Variants in UBE3C observed in about 807,000 individuals in gnomAD.
UBE3C encodes ubiquitin protein ligase E3C, also known as ubiquitin-protein ligase E3C.
A neutral mutation model predicts 129.4 loss-of-function variants in UBE3C; 42 were observed. The ratio of observed to expected loss-of-function variants is 0.32; its 90% CI spans 0.25 to 0.42. The LOEUF is 0.42. UBE3C is among the 10% of genes least tolerant of loss of function. UBE3C has a pLI of 1.00. For synonymous variants in UBE3C, 510 were observed against 492.4 expected, an observed-to-expected ratio of 1.04 and a Z score of -0.47; for missense variants, 1,049 against 1,319.1, an observed-to-expected ratio of 0.80 and a Z score of 3.17.
At chr7:157,220,210 CAAAAAAT>C (rs1479006715) in intron 14 of UBE3C, among the ~76,000 whole-genome samples, 1 of 150,902 alleles carries the variant, frequency 6.6e-6, no homozygotes, top group Non-Finnish European at 1.5e-5. Flanking sequence ...GACCGTGTAT[CAAAAAAT>C]AAAAAATTGT....
At chr7:157,171,718 TTTTTTTG>T in intron 4 of UBE3C, among the ~76,000 whole-genome samples, 1 of 88,492 alleles carries the variant, frequency 1.1e-5, no homozygotes, top group Non-Finnish European at 2.2e-5. Flanking sequence ...TTTTTTTTTT[TTTTTTTG>T]AGACAGAGTC....
At chr7:157,144,962 A>C (rs1037365893) in intron 1 of UBE3C, among the ~76,000 whole-genome samples, 1 of 152,162 alleles carries the variant, frequency 6.6e-6, no homozygotes, top group African/African-American at 2.4e-5. Flanking sequence ...ACAGCGTTAT[A>C]CAGAAGAGTG....
chr7:157,178,462 C>T (rs1286225548), intron 5 of UBE3C, among the ~76,000 whole-genome samples: 1 of 152,180 alleles, frequency 6.6e-6, no homozygotes, highest in Non-Finnish European at 1.5e-5. Context: ...TGTCTGTGAA[C>T]TTAGTGCCAG....
chr7:157,219,957 C>T (rs575691523), intron 14 of UBE3C, among the ~76,000 whole-genome samples: 2 of 151,672 alleles, frequency 1.3e-5, no homozygotes, highest in South Asian at 2.1e-4. Context: ...ACGCCTGTGA[C>T]CCGGGCACTT....
chr7:157,154,003 GA>G (rs374420490), intron 1 of UBE3C, among the ~76,000 whole-genome samples: 20 of 150,974 alleles, frequency 1.3e-4, no homozygotes, highest in South Asian at 2.1e-4. Context: ...TCTGGGGGGG[GA>G]AAAGTTAACT....
At chr7:157,152,833 A>G (rs1807795207) in intron 1 of UBE3C, among the ~76,000 whole-genome samples, 1 of 152,164 alleles carries the variant, frequency 6.6e-6, no homozygotes, top group African/African-American at 2.4e-5. Flanking sequence ...TCCTGCAGGC[A>G]CTGAGAAGGT....
chr7:157,220,594 A>C, intron 14 of UBE3C, 95 bp from the exon 15 acceptor site: 4 of 1,434,358 alleles, frequency 2.8e-6, no homozygotes, highest in Non-Finnish European at 3.8e-6. Context: ...AGCCCACGGT[A>C]GAGAAATGTC....
chr7:157,241,966 A>T (rs1399880177), intron 18 of UBE3C, among the ~76,000 whole-genome samples: 23 of 152,168 alleles, frequency 1.5e-4, no homozygotes, highest in Non-Finnish European at 1.5e-5. Context: ...AAATCTAGAG[A>T]CAGAAGGTGG....
At chr7:157,214,625 A>G (rs1809685220) in intron 13 of UBE3C, among the ~76,000 whole-genome samples, 1 of 152,226 alleles carries the variant, frequency 6.6e-6, no homozygotes. Flanking sequence ...ATTGGTCACA[A>G]AAATGGAAAG....
chr7:157,238,944 T>G (rs1453819565), intron 18 of UBE3C, among the ~76,000 whole-genome samples: 2 of 152,210 alleles, frequency 1.3e-5, no homozygotes. Context: ...GTGATGGTAC[T>G]GTTAGACCAA....
intron 1 of UBE3C, among the ~76,000 whole-genome samples, chr7:157,145,828 ACCT>A (rs1807589590): frequency 1.3e-5 from 2 of 151,602 alleles, no homozygotes; most frequent in South Asian, 2.1e-4. Context: ...AGTCCTCAAA[ACCT>A]CCTCTCCGCT....
In UBE3C at chr7:157,182,286, TG is replaced by T; in HGVS notation, c.951del (p.Trp317CysfsTer7). ...TTCAAGAAAGAGTGGTGGAGCACCC[TG>T]GCTTTTCTATTTCGTTTTAACTGTT... Reference protein sequence around the residue: ...RCSRKSGGAPWLFYFVLTVGE... With the variant: ...RCSRKSGGAPXLFYFVLTVGE... On this transcript the variant is annotated frameshift_variant, in exon 8 of 23. Transcript: ENST00000348165. LOFTEE classifies it high-confidence loss of function. 6.2e-7 allele frequency: 1 copy of T among 1,613,914 alleles called. No individual in the cohort carries two copies. The highest frequency in any genetic ancestry group is 2.2e-5 in the East Asian group (1 of 44,904).
At chr7:157,251,915 A>G (rs1796629113) in intron 19 of UBE3C, among the ~76,000 whole-genome samples, 1 of 152,126 alleles carries the variant, frequency 6.6e-6, no homozygotes, top group African/African-American at 2.4e-5. Flanking sequence ...CAGGCAGATC[A>G]TTTGAGGTCA....
intron 14 of UBE3C, among the ~76,000 whole-genome samples, chr7:157,218,135 G>A (rs950419619): frequency 6.6e-6 from 1 of 152,128 alleles, no homozygotes; most frequent in African/African-American, 2.4e-5. Flanking sequence ...AGGAGATGGA[G>A]TGGTGGAGGG....
At chr7:157,178,281 C>T (rs1444878864) in intron 5 of UBE3C, among the ~76,000 whole-genome samples, 1 of 152,096 alleles carries the variant, frequency 6.6e-6, no homozygotes, top group Non-Finnish European at 1.5e-5. Context: ...ATATTGCAGG[C>T]GTGGAAAGTC....
At chr7:157,206,955 C>CA (rs1282291695) in intron 11 of UBE3C, among the ~76,000 whole-genome samples, 3 of 152,130 alleles carry the variant, frequency 2.0e-5, no homozygotes, top group Non-Finnish European at 4.4e-5. Context: ...TCAACGTTAC[C>CA]AAAAGTTAAG....
At chr7:157,220,907 A>G (rs772201769) in intron 15 of UBE3C, 131 bp downstream of exon 15, 13 of 1,122,956 alleles carry the variant, frequency 1.2e-5, no homozygotes, top group African/African-American at 3.1e-5. Flanking sequence ...GCTACCATGT[A>G]GAAAAGTTTC....
At chr7:157,218,839 A>G (rs1795657482) in intron 14 of UBE3C, among the ~76,000 whole-genome samples, 2 of 152,222 alleles carry the variant, frequency 1.3e-5, no homozygotes, top group Non-Finnish European at 2.9e-5. Context: ...TGAAGCATTC[A>G]TGAAAACAGC....
intron 1 of UBE3C, among the ~76,000 whole-genome samples, chr7:157,141,323 C>T (rs1427110023): frequency 2.6e-5 from 4 of 152,200 alleles, no homozygotes; most frequent in Non-Finnish European, 5.9e-5. Context: ...CCATCCCCAG[C>T]ATTCCAGAGG....
Sources: gnomAD v4.1 joint callset for allele counts (sites outside exome capture counted in the v4.1 genomes callset) on GRCh38, gnomAD v4.1.1 for gene constraint, MANE v1.5 for transcripts, NCBI Gene and HGNC (gene_info 2026-07-23, HGNC 2026-07-21) for gene names.